The following LSM2 variants were observed in gnomAD, a reference collection of about 807,000 sequenced individuals.
LSM2 encodes the protein LSM2 homolog, U6 small nuclear RNA and mRNA degradation associated.
In LSM2, 12 loss-of-function variants were observed where a neutral mutation model predicts 17.0. The ratio of observed to expected loss-of-function variants is 0.70; its 90% CI spans 0.45 to 1.14. The LOEUF is 1.14. Ranked by LOEUF, LSM2 falls within the 50% of genes most tolerant of loss-of-function variation. The probability of loss-of-function intolerance (pLI) is 0.00; values close to 1 mark genes in which losing one functional copy is unlikely to be tolerated. For missense variants in LSM2, 62 were observed against 111.8 expected, an observed-to-expected ratio of 0.55 and a Z score of 2.01; for synonymous variants, 42 against 44.5, an observed-to-expected ratio of 0.94 and a Z score of 0.22.
intron 1 of LSM2, chr6:31,806,507 G>T (rs1815045899): frequency 1.6e-6 from 1 of 634,130 alleles, no homozygotes; most frequent in South Asian, 1.9e-5. Context: ...GTGCTCTGAG[G>T]TCTAACTTTT....
chr6:31,806,258 C>A, intron 1 of LSM2, 116 bp from the exon 2 acceptor site: 2 of 954,376 alleles, frequency 2.1e-6, no homozygotes, highest in Non-Finnish European at 3.2e-6. Flanking sequence ...CCTGACAGTT[C>A]TCAAAATTTC....
intron 3 of LSM2, 136 bp downstream of exon 3, chr6:31,798,341 G>A (rs759371303): frequency 4.8e-5 from 49 of 1,022,032 alleles, no homozygotes; most frequent in Non-Finnish European, 6.7e-5. Context: ...CAAAGTGCTG[G>A]GATTACAGGC....
intron 2 of LSM2, among the ~76,000 whole-genome samples, chr6:31,803,417 G>A (rs1434357336): frequency 6.6e-6 from 1 of 152,094 alleles, no homozygotes; most frequent in Non-Finnish European, 1.5e-5. Context: ...CAGCTATTCA[G>A]GAGGCTGAGT....
Position 31,806,738 on chromosome 6 carries a change from G to A in LSM2, c.3+17C>T. On this transcript the variant is annotated intron_variant, in intron 1 of 4. Transcript: ENST00000375661. ...GAGGTCCCCGAGGGCGCCCCCTTTT[G>A]ACGTCACGGTACCCACCATGGTGCT... is the stretch of plus-strand genomic sequence containing the variant. The A allele has an allele frequency of 6.2e-7, 1 of 1,610,096 alleles. No individual in the cohort carries two copies. Among genetic ancestry groups the A allele is most frequent in the East Asian group, 2.2e-5 (1 of 44,816 alleles).
At chr6:31,797,936 C>T in intron 4 of LSM2, 54 bp from the exon 5 acceptor site, 1 of 1,612,120 alleles carries the variant, frequency 6.2e-7, no homozygotes, top group Non-Finnish European at 8.5e-7. Flanking sequence ...CTCTAACCAC[C>T]CAGGGGCCTC....
chr6:31,798,988 A>C (rs1024064659), intron 2 of LSM2, among the ~76,000 whole-genome samples: 1 of 151,878 alleles, frequency 6.6e-6, no homozygotes, highest in African/African-American at 2.4e-5. Context: ...TGCCCACTTC[A>C]GCTCCCCAAA....
intron 2 of LSM2, among the ~76,000 whole-genome samples, chr6:31,801,481 G>A (rs1410068557): frequency 6.6e-6 from 1 of 152,140 alleles, no homozygotes; most frequent in Admixed American, 6.6e-5. Context: ...CACAAAAGTG[G>A]TCTGACAACA....
chr6:31,806,603 G>A, intron 1 of LSM2, 152 bp downstream of exon 1: 2 of 1,015,848 alleles, frequency 2.0e-6, no homozygotes, highest in Non-Finnish European at 3.0e-6. Context: ...TGTTCTCAGT[G>A]CCTCCTCAAT....
intron 1 of LSM2, 118 bp downstream of exon 1, chr6:31,806,637 T>G (rs1365522669): frequency 3.8e-6 from 5 of 1,303,300 alleles, no homozygotes; most frequent in Non-Finnish European, 5.4e-6. Flanking sequence ...AGTACAGTAC[T>G]AAAGATGAAG....
In LSM2 at chr6:31,806,964, G is replaced by A; in HGVS notation, c.-207C>T. On this transcript the variant is annotated 5_prime_UTR_variant, in exon 1 of 5. Transcript: ENST00000375661. Reference sequence around the variant, plus strand: ...AGCGCAAGCTGGGTAGAGTAGAGGGGAGGAGGAAGCCGGGAAAGGGGCGGG... The same window carrying A: ...AGCGCAAGCTGGGTAGAGTAGAGGGAAGGAGGAAGCCGGGAAAGGGGCGGG... 1 of 594,176 alleles carries A rather than the reference G, an allele frequency of 1.7e-6. No individual in the cohort carries two copies. Among genetic ancestry groups the A allele is most frequent in the Middle Eastern group, 4.5e-4 (1 of 2,200 alleles). The allele number at this position is 594,176 out of a possible 1,614,324, so 36.8% of individuals were successfully genotyped here.
Position 31,798,280 on chromosome 6 carries a change from A to C in LSM2, c.102+197T>G, listed in dbSNP as rs190895721. Among the ~76,000 whole-genome samples, 51 of 151,908 alleles carry C rather than the reference A, an allele frequency of 3.4e-4. 2 individuals carry two copies. ...GTATTTTTAGTAGAGACGGGGTTTCACCATGTTTGTCAGGCTTGTCTTGAA... is the reference window on the plus strand; with the variant it reads ...GTATTTTTAGTAGAGACGGGGTTTCCCCATGTTTGTCAGGCTTGTCTTGAA... On this transcript the variant is annotated intron_variant, in intron 3 of 4. Transcript: ENST00000375661.
Position 31,806,823 on chromosome 6 carries a change from G to T in LSM2, c.-66C>A. ...GCAGGGTGCTGCGAGCAGGTCTGGG[G>T]AAACCGAAGCGCGAGCCCGCGCGTG... On this transcript the variant is annotated 5_prime_UTR_variant, in exon 1 of 5. Coordinates refer to ENST00000375661, the MANE Select transcript of LSM2 (RefSeq NM_021177.5). 6.5e-7 allele frequency: 1 copy of T among 1,545,534 alleles called. No homozygotes were observed. Among genetic ancestry groups the T allele is most frequent in the Non-Finnish European group, 8.7e-7 (1 of 1,151,592 alleles).
chr6:31,799,332 G>A (rs1264003370), intron 2 of LSM2, among the ~76,000 whole-genome samples: 3 of 151,976 alleles, frequency 2.0e-5, no homozygotes, highest in African/African-American at 7.2e-5. Flanking sequence ...TTGAGTAGCT[G>A]TGATTACAGG....
At position 31,806,165 on chromosome 6, in the gene LSM2, C is replaced by A. The variant is rs757194193; in HGVS notation, c.4-23G>T. On this transcript the variant is annotated intron_variant, in intron 1 of 4. Transcript: ENST00000375661. ...GAGCTATTGGGAGAGAGGGGGAAAA[C>A]CATCATGTGGGAAGGAGCATGGTAG... 3.7e-6 allele frequency: 6 copies of A among 1,609,242 alleles called. No homozygotes were observed. The East Asian group carries it at 8.9e-5, about 24-fold the overall frequency.
intron 2 of LSM2, among the ~76,000 whole-genome samples, chr6:31,803,637 G>A (rs1230916326): frequency 1.3e-5 from 2 of 150,752 alleles, no homozygotes; most frequent in East Asian, 3.9e-4. Flanking sequence ...CTGGAGTGCA[G>A]TGGCCTGATC....
intron 2 of LSM2, among the ~76,000 whole-genome samples, chr6:31,799,764 AG>A (rs1814589392): frequency 6.6e-6 from 1 of 151,816 alleles, no homozygotes; most frequent in Admixed American, 6.6e-5. Context: ...GGATAAAGGT[AG>A]GTAGCATTAC....
At chr6:31,801,751 G>A (rs1020426807) in intron 2 of LSM2, among the ~76,000 whole-genome samples, 28 of 151,600 alleles carry the variant, frequency 1.8e-4, no homozygotes, top group Non-Finnish European at 2.7e-4. Context: ...AGCCAAGATC[G>A]CGCCACCGCA....
At chr6:31,805,606 G>A (rs909146480) in intron 2 of LSM2, among the ~76,000 whole-genome samples, 6 of 151,332 alleles carry the variant, frequency 4.0e-5, no homozygotes, top group African/African-American at 1.5e-4. Context: ...CTCGTGATTC[G>A]CCCACCTTGG....
chr6:31,805,267 C>T (rs1022557832), intron 2 of LSM2, among the ~76,000 whole-genome samples: 4 of 150,864 alleles, frequency 2.7e-5, no homozygotes, highest in African/African-American at 7.3e-5. Context: ...ACTATGTTGC[C>T]CAGACTAGTC....
Sources: allele counts gnomAD v4.1 joint callset (sites outside exome capture counted in the v4.1 genomes callset), GRCh38; gene constraint gnomAD v4.1.1; transcripts MANE v1.5; gene names NCBI Gene and HGNC (gene_info 2026-07-23, HGNC 2026-07-21).